PIP5K1A: variants seen among roughly 807,000 people sequenced by gnomAD.
PIP5K1A encodes phosphatidylinositol-4-phosphate 5-kinase type 1 alpha.
In PIP5K1A, 46 loss-of-function variants were observed where a neutral mutation model predicts 72.9. That is an observed-to-expected ratio of 0.63 (90% CI 0.50 to 0.81). PIP5K1A has a LOEUF of 0.81. Among genes scored for constraint, PIP5K1A ranks in the 30% least tolerant of loss-of-function variants. The pLI, the probability that PIP5K1A is intolerant of heterozygous loss-of-function variation, is 0.00. For synonymous variants in PIP5K1A, 228 were observed against 255.1 expected (o/e 0.89, Z 1.01); for missense variants, 458 against 706.1 (o/e 0.65, Z 3.98).
rs762931902 is a variant in PIP5K1A, at chr1:151,242,520, C to G, written c.1593C>G (p.Pro531=). 16 of 1,613,810 alleles carry G rather than the reference C, an allele frequency of 9.9e-6. No individual in the cohort carries two copies. Among genetic ancestry groups the G allele is most frequent in the Admixed American group, 3.3e-5 (2 of 59,990 alleles). ...EISEGSPIPD[P]SFSPLVGETL... ...GTGAGGGCTCGCCTATTCCTGACCC[C>G]AGTTTCTCACCTCTAGTTGGAGAGA... is the stretch of plus-strand genomic sequence containing the variant. Residue 531 remains proline (P), a synonymous_variant, in exon 14 of 16, where the codon CCC becomes CCG. Transcript: ENST00000368888.
At chr1:151,238,416 T>G in intron 10 of PIP5K1A, 151 bp downstream of exon 10, 1 of 623,070 alleles carries the variant, frequency 1.6e-6, no homozygotes, top group South Asian at 1.9e-5. Flanking sequence ...TCAGATGGTT[T>G]ATTTCCTTGA....
chr1:151,207,686 C>T (rs1311667389), intron 1 of PIP5K1A, among the ~76,000 whole-genome samples: 1 of 151,916 alleles, frequency 6.6e-6, no homozygotes, highest in Non-Finnish European at 1.5e-5. Flanking sequence ...CGCACGCCAC[C>T]ACGCCTGGCT....
chr1:151,201,970 C>G (rs1201672223), intron 1 of PIP5K1A, among the ~76,000 whole-genome samples: 1 of 152,140 alleles, frequency 6.6e-6, no homozygotes, highest in Non-Finnish European at 1.5e-5. Context: ...GCTCCAATAG[C>G]AAAAGTAGTT....
At chr1:151,239,558 C>T (rs1441138830) in intron 11 of PIP5K1A, among the ~76,000 whole-genome samples, 2 of 152,044 alleles carry the variant, frequency 1.3e-5, no homozygotes, top group Non-Finnish European at 2.9e-5. Context: ...GATGGAGTCT[C>T]GCTCTGTCAC....
Position 151,231,726 on chromosome 1 carries a change from G to T in PIP5K1A, c.293G>T (p.Gly98Val). 1.2e-6 allele frequency: 2 copies of T among 1,613,496 alleles called. No homozygotes were observed. Among genetic ancestry groups the T allele is most frequent in the Non-Finnish European group, 1.7e-6 (2 of 1,179,482 alleles). ...CAGTTAGGCATTACCCACACTGTGG[G>T]GAGCCTGAGTACCAAACCAGAGCGT... ...AIQLGITHTV[G>V]SLSTKPERDV... is the part of the protein sequence containing the mutation. Residue 98 changes from glycine to valine, a missense_variant, in exon 5 of 16, where the codon GGG (glycine) becomes GTG (valine). This residue lies in a region of PIP5K1A where 220 missense variants were observed against 442.6 expected (regional missense o/e 0.50). Coordinates refer to ENST00000368888, the MANE Select transcript of PIP5K1A (RefSeq NM_001135638.2).
intron 1 of PIP5K1A, among the ~76,000 whole-genome samples, chr1:151,204,886 A>T (rs1398702482): frequency 6.6e-6 from 1 of 152,236 alleles, no homozygotes; most frequent in Non-Finnish European, 1.5e-5. Flanking sequence ...TTAATTGATA[A>T]TGTGTACTTA....
rs140652120 is a variant in PIP5K1A at position 151,198,868 on chromosome 1, C to T, written c.-129C>T. The stretch of plus-strand genomic sequence containing the variant: ...GGCTCGACGTGTCTGAGGGAGGCCC[C>T]GGAGGGGGCGGGGAGGTGGCCCACA... On this transcript the variant is annotated 5_prime_UTR_variant, in exon 1 of 16. Coordinates refer to ENST00000368888, the MANE Select transcript of PIP5K1A (RefSeq NM_001135638.2). The T allele has an allele frequency of 1.9e-5, 17 of 887,758 alleles. No homozygotes were observed. The highest frequency in any genetic ancestry group is 1.8e-4 in the African/African-American group (11 of 60,998). The allele number at this position is 887,758 out of a possible 1,614,324, so 55.0% of individuals were successfully genotyped here.
chr1:151,243,689 C>T (rs1413284135), intron 14 of PIP5K1A, among the ~76,000 whole-genome samples: 2 of 152,122 alleles, frequency 1.3e-5, no homozygotes, highest in East Asian at 3.8e-4. Context: ...GTTCTTTTCT[C>T]AGGCTGCTTC....
At chr1:151,206,743 T>C (rs1346924688) in intron 1 of PIP5K1A, among the ~76,000 whole-genome samples, 2 of 152,100 alleles carry the variant, frequency 1.3e-5, no homozygotes, top group Non-Finnish European at 2.9e-5. Context: ...TTTTTGTACT[T>C]TCAGTAGAGA....
At chr1:151,229,377 T>C (rs970270640) in intron 4 of PIP5K1A, among the ~76,000 whole-genome samples, 27 of 149,418 alleles carry the variant, frequency 1.8e-4, no homozygotes, top group Admixed American at 1.3e-3. Context: ...TTTTTTTTTT[T>C]CCTGAGGGAG....
intron 8 of PIP5K1A, among the ~76,000 whole-genome samples, chr1:151,235,990 A>G (rs2102703205): frequency 6.6e-6 from 1 of 151,892 alleles, no homozygotes; most frequent in East Asian, 1.9e-4. Flanking sequence ...GTGTGGTGGC[A>G]CGTGCCTGTA....
intron 12 of PIP5K1A, 154 bp from the exon 13 acceptor site, chr1:151,241,969 G>A: frequency 2.8e-6 from 2 of 715,718 alleles, no homozygotes; most frequent in Non-Finnish European, 4.8e-6. Flanking sequence ...TCTCTGAATA[G>A]TAATTCATAG....
chr1:151,241,755 G>A (rs746971717), intron 12 of PIP5K1A, among the ~76,000 whole-genome samples: 1 of 150,198 alleles, frequency 6.7e-6, no homozygotes, highest in African/African-American at 2.5e-5. Context: ...AGCCAAGATC[G>A]CGCCATTGCA....
At chr1:151,243,740 G>A (rs1187838115) in intron 14 of PIP5K1A, among the ~76,000 whole-genome samples, 1 of 152,030 alleles carries the variant, frequency 6.6e-6, no homozygotes, top group Non-Finnish European at 1.5e-5. Flanking sequence ...TCTCTATTTT[G>A]TACTGTTTCT....
chr1:151,244,272 C>T (rs1464024724), intron 14 of PIP5K1A, among the ~76,000 whole-genome samples: 1 of 151,252 alleles, frequency 6.6e-6, no homozygotes. Context: ...CTTTTCTTGT[C>T]ATTATTCCCT....
intron 1 of PIP5K1A, among the ~76,000 whole-genome samples, chr1:151,206,331 T>A (rs1394907146): frequency 6.6e-6 from 1 of 152,088 alleles, no homozygotes; most frequent in African/African-American, 2.4e-5. Flanking sequence ...GAGAGGAAGG[T>A]AGGTCTGTTG....
rs1162610943 is a variant in PIP5K1A at position 151,198,929 on chromosome 1, C to A, written c.-68C>A. 7 of 1,455,482 alleles carry A rather than the reference C, an allele frequency of 4.8e-6. No homozygotes were observed. The highest frequency in any genetic ancestry group is 1.7e-5 in the Admixed American group (1 of 58,850). The allele number at this position is 1,455,482 out of a possible 1,614,324, so 90.2% of individuals were successfully genotyped here. A position where few individuals can be genotyped will look rare whatever the true frequency, so the allele number is the denominator to read the frequency against. On this transcript the variant is annotated 5_prime_UTR_variant, in exon 1 of 16. Transcript: ENST00000368888. Reference sequence around the variant, plus strand: ...TCTGTAAAGAGACGTTGGGAAGATTCGATTCCGAGAAGAGGAAGAACCGGA... The same window carrying A: ...TCTGTAAAGAGACGTTGGGAAGATTAGATTCCGAGAAGAGGAAGAACCGGA...
intron 15 of PIP5K1A, 92 bp downstream of exon 15, chr1:151,247,057 A>G: frequency 1.4e-6 from 1 of 725,960 alleles, no homozygotes. Flanking sequence ...TGTCAAGATT[A>G]GAGGATCTGG....
At chr1:151,213,705 A>G (rs1370054611) in intron 1 of PIP5K1A, among the ~76,000 whole-genome samples, 5 of 152,132 alleles carry the variant, frequency 3.3e-5, no homozygotes, top group Admixed American at 2.0e-4. Context: ...TTGCAATAGC[A>G]TAACGTGGTT....
Sources: gnomAD v4.1 joint callset for allele counts (sites outside exome capture counted in the v4.1 genomes callset) on GRCh38, gnomAD v4.1.1 for gene constraint, gnomAD v4.1.1 regional missense constraint, MANE v1.5 for transcripts, NCBI Gene and HGNC (gene_info 2026-07-23, HGNC 2026-07-21) for gene names.